The following NCKAP5 variants were observed in gnomAD, a reference collection of about 807,000 sequenced individuals.
NCKAP5 encodes NCK associated protein 5.
Under a neutral mutation model 167.0 loss-of-function variants are expected in NCKAP5, and 92 were observed. That is an observed-to-expected ratio of 0.55 (90% CI 0.47 to 0.66). The LOEUF (loss-of-function observed/expected upper bound fraction) is 0.66. Ranked by LOEUF, NCKAP5 falls within the 30% of genes least tolerant of loss-of-function variation. The pLI is 0.00. For missense variants in NCKAP5, 2,378 were observed against 2,315.0 expected, an observed-to-expected ratio of 1.03 and a Z score of -0.56; for synonymous variants, 891 against 877.4, an observed-to-expected ratio of 1.02 and a Z score of -0.27.
intron 8 of NCKAP5, among the ~76,000 whole-genome samples, chr2:132,940,542 A>T (rs1697217618): frequency 6.6e-6 from 1 of 151,922 alleles, no homozygotes; most frequent in Non-Finnish European, 1.5e-5. Flanking sequence ...ACTGAATAAC[A>T]GTAAAAAAAA....
At chr2:133,555,015 C>T (rs2104982073) in intron 2 of NCKAP5, among the ~76,000 whole-genome samples, 1 of 152,212 alleles carries the variant, frequency 6.6e-6, no homozygotes, top group East Asian at 1.9e-4. Context: ...GGCCACCTCC[C>T]TGTGGAACAA....
At chr2:132,768,740 C>T (rs1343589077) in intron 16 of NCKAP5, among the ~76,000 whole-genome samples, 1 of 149,862 alleles carries the variant, frequency 6.7e-6, no homozygotes, top group Non-Finnish European at 1.5e-5. Flanking sequence ...CCCAGGTTCA[C>T]GCCATTCTCC....
chr2:133,492,221 G>A (rs1242969489), intron 3 of NCKAP5, among the ~76,000 whole-genome samples: 1 of 150,090 alleles, frequency 6.7e-6, no homozygotes, highest in Admixed American at 6.7e-5. Flanking sequence ...ACGGGCTTTG[G>A]AGTCAAGAAA....
chr2:133,656,047 A>G, the NCKAP5 span, among the ~76,000 whole-genome samples: 1 of 152,190 alleles, frequency 6.6e-6, no homozygotes, highest in Admixed American at 6.5e-5. Flanking sequence ...CGGATTTTCA[A>G]ATGTTTTAAT....
intron 7 of NCKAP5, among the ~76,000 whole-genome samples, chr2:132,983,099 CT>C (rs1322751627): frequency 6.6e-6 from 1 of 152,070 alleles, no homozygotes; most frequent in Non-Finnish European, 1.5e-5. Flanking sequence ...CTTGATTTGC[CT>C]CTCAGCTTGA....
chr2:133,512,679 G>A (rs919795010), intron 3 of NCKAP5, among the ~76,000 whole-genome samples: 4 of 152,182 alleles, frequency 2.6e-5, no homozygotes, highest in African/African-American at 9.7e-5. Flanking sequence ...ATAAACAGCA[G>A]AGATTTAAAT....
rs2079447712 is a variant in NCKAP5 at position 133,047,621 on chromosome 2, T to C, written c.342-53382A>G. On this transcript the variant is annotated intron_variant, in intron 6 of 19. Transcript: ENST00000409261. ...CTCCTCCTAATTGCCTGGATGATAA[T>C]GATGTAAATGCAGTTATAATTACAA... Among the ~76,000 whole-genome samples the C allele has an allele frequency of 2.6e-5, 4 of 152,230 alleles. No individual in the cohort carries two copies. In the South Asian group the frequency reaches 6.2e-4, roughly 24 times the overall value.
intron 16 of NCKAP5, among the ~76,000 whole-genome samples, chr2:132,735,338 G>T (rs1232712330): frequency 6.6e-6 from 1 of 152,152 alleles, no homozygotes; most frequent in African/African-American, 2.4e-5. Context: ...CATCCCCTTA[G>T]TGACAAGTGA....
chr2:133,277,780 G>A (rs1480390612), intron 4 of NCKAP5, among the ~76,000 whole-genome samples: 3 of 152,116 alleles, frequency 2.0e-5, no homozygotes, highest in Non-Finnish European at 4.4e-5. Flanking sequence ...TGTGGTGCAG[G>A]TGCGTGTCTA....
At chr2:133,464,164 G>T (rs1206011840) in intron 3 of NCKAP5, among the ~76,000 whole-genome samples, 2 of 152,054 alleles carry the variant, frequency 1.3e-5, no homozygotes, top group East Asian at 1.9e-4. Context: ...ATATCTCACA[G>T]GTTCAAAAAA....
chr2:133,500,354 T>C (rs1163268364), intron 3 of NCKAP5, among the ~76,000 whole-genome samples: 2 of 152,160 alleles, frequency 1.3e-5, no homozygotes, highest in African/African-American at 4.8e-5. Flanking sequence ...TTGACAAACT[T>C]TACCTTCTAA....
intron 5 of NCKAP5, among the ~76,000 whole-genome samples, chr2:133,200,328 T>C (rs1198428145): frequency 6.6e-6 from 1 of 152,040 alleles, no homozygotes. Context: ...TTCACGTTCA[T>C]GTTAACTGAT....
At chr2:132,988,769 T>G (rs541653825) in intron 7 of NCKAP5, among the ~76,000 whole-genome samples, 1 of 152,358 alleles carries the variant, frequency 6.6e-6, no homozygotes, top group East Asian at 1.9e-4. Context: ...GTGCTCTGTA[T>G]TTATTTCTTT....
intron 18 of NCKAP5, among the ~76,000 whole-genome samples, chr2:132,728,236 G>C (rs928458054): frequency 3.9e-5 from 6 of 152,086 alleles, no homozygotes; most frequent in Non-Finnish European, 8.8e-5. Context: ...CTAGGAATGA[G>C]CAAGGAGTCC....
At chr2:133,553,986 C>T (rs528410531) in intron 2 of NCKAP5, among the ~76,000 whole-genome samples, 63 of 152,170 alleles carry the variant, frequency 4.1e-4, no homozygotes, top group Non-Finnish European at 8.4e-4. Context: ...TGTCAGACCT[C>T]AGGTGTCTGG....
At chr2:133,211,010 C>T (rs1490319034) in intron 5 of NCKAP5, among the ~76,000 whole-genome samples, 1 of 150,324 alleles carries the variant, frequency 6.7e-6, no homozygotes, top group Non-Finnish European at 1.5e-5. Context: ...CCCCCAACCC[C>T]ATCACTTTTT....
At chr2:132,980,817 TA>T (rs978018332) in intron 7 of NCKAP5, among the ~76,000 whole-genome samples, 2 of 152,058 alleles carry the variant, frequency 1.3e-5, no homozygotes, top group African/African-American at 4.8e-5. Context: ...AAAAATACAA[TA>T]ACAGTAGGGT....
chr2:133,584,994 G>GAAGGA, the NCKAP5 span, among the ~76,000 whole-genome samples: 6 of 148,904 alleles, frequency 4.0e-5, no homozygotes, highest in African/African-American at 7.4e-5. Flanking sequence ...AGGAAGGAAG[G>GAAGGA]AGGGAAAGAA....
intron 7 of NCKAP5, among the ~76,000 whole-genome samples, chr2:132,976,952 T>G (rs1175592837): frequency 6.6e-6 from 1 of 152,178 alleles, no homozygotes; most frequent in East Asian, 1.9e-4. Context: ...TAAAATGAAC[T>G]GATTAAAAAG....
Sources: allele counts gnomAD v4.1 joint callset (sites outside exome capture counted in the v4.1 genomes callset), GRCh38; gene constraint gnomAD v4.1.1; transcripts MANE v1.5; gene names NCBI Gene and HGNC (gene_info 2026-07-23, HGNC 2026-07-21).